Variants in CDK19 observed in about 807,000 individuals in gnomAD.
CDK19 encodes the protein cyclin dependent kinase 19.
Under a neutral mutation model 68.3 loss-of-function variants are expected in CDK19, and 20 were observed. The ratio of observed to expected loss-of-function variants is 0.29; its 90% CI spans 0.21 to 0.43. The LOEUF is 0.43. Among genes scored for constraint, CDK19 ranks in the 20% least tolerant of loss-of-function variants. The pLI, the probability that CDK19 is intolerant of heterozygous loss-of-function variation, is 1.00. For synonymous variants in CDK19, 221 were observed against 222.8 expected, an observed-to-expected ratio of 0.99 and a Z score of 0.07; for missense variants, 339 against 623.5, an observed-to-expected ratio of 0.54 and a Z score of 4.86.
intron 4 of CDK19, among the ~76,000 whole-genome samples, chr6:110,656,525 T>C (rs1039389388): frequency 7.9e-5 from 12 of 152,270 alleles, no homozygotes; most frequent in African/African-American, 2.9e-4. Context: ...TACAACTATA[T>C]GTAGGCTATC....
chr6:110,716,344 T>C, intron 2 of CDK19, among the ~76,000 whole-genome samples: 1 of 152,128 alleles, frequency 6.6e-6, no homozygotes, highest in East Asian at 1.9e-4. Flanking sequence ...AAACTCATAC[T>C]TTCTATTTAT....
intron 2 of CDK19, among the ~76,000 whole-genome samples, chr6:110,725,292 T>C (rs557555274): frequency 6.6e-6 from 1 of 152,036 alleles, no homozygotes; most frequent in African/African-American, 2.4e-5. Context: ...GTAATAGAAA[T>C]TAAACTAAAT....
chr6:110,793,402 A>G (rs191406170), intron 1 of CDK19, among the ~76,000 whole-genome samples: 1 of 152,350 alleles, frequency 6.6e-6, no homozygotes, highest in Admixed American at 6.5e-5. Flanking sequence ...CATCAGCATT[A>G]TAAGGCTTTG....
intron 2 of CDK19, among the ~76,000 whole-genome samples, chr6:110,734,520 G>GCTCGCTCGCTCTCTCTCTCTCTCTCT: frequency 1.2e-5 from 1 of 85,780 alleles, no homozygotes; most frequent in East Asian, 2.7e-4. Flanking sequence ...GGTGAGCACT[G>GCTCGCTCGCTCTCTCTCTCTCTCTCT]CTCTCTCTCT....
intron 1 of CDK19, among the ~76,000 whole-genome samples, chr6:110,804,788 T>C (rs1410301191): frequency 6.6e-6 from 1 of 150,936 alleles, no homozygotes; most frequent in Non-Finnish European, 1.5e-5. Flanking sequence ...ACCCCGTCGC[T>C]ACTAAAAATA....
At chr6:110,768,055 AAAAC>A (rs1205469039) in intron 1 of CDK19, among the ~76,000 whole-genome samples, 7 of 152,204 alleles carry the variant, frequency 4.6e-5, no homozygotes, top group Non-Finnish European at 1.0e-4. Flanking sequence ...AAAGAAAAAG[AAAAC>A]AAACAACTCA....
intron 1 of CDK19, among the ~76,000 whole-genome samples, chr6:110,778,662 G>A (rs1780587746): frequency 6.6e-6 from 1 of 152,142 alleles, no homozygotes; most frequent in Non-Finnish European, 1.5e-5. Context: ...TGGCTGCCTA[G>A]CATACACCCA....
rs752609339 is a variant in CDK19, at chr6:110,759,926, C to T, written c.129-13725G>A. Among the ~76,000 whole-genome samples, 36 of 152,178 alleles carry T rather than the reference C, an allele frequency of 2.4e-4. 1 individual carries two copies. Among genetic ancestry groups the T allele is most frequent in the Admixed American group, 3.9e-4 (6 of 15,276 alleles). On this transcript the variant is annotated intron_variant, in intron 1 of 12. Transcript: ENST00000368911. Reference sequence around the variant, plus strand: ...AGCTACTGCCAAAGCAGAATAAATACCAATAATAATGAGCCAATCAACTGG... The same window carrying T: ...AGCTACTGCCAAAGCAGAATAAATATCAATAATAATGAGCCAATCAACTGG...
chr6:110,736,883 T>C (rs1777289600), intron 2 of CDK19, among the ~76,000 whole-genome samples: 1 of 152,200 alleles, frequency 6.6e-6, no homozygotes, highest in South Asian at 2.1e-4. Context: ...GCTTCAATAT[T>C]ATTCAAGAGA....
intron 1 of CDK19, among the ~76,000 whole-genome samples, chr6:110,799,999 G>A (rs574710262): frequency 4.6e-5 from 7 of 152,202 alleles, no homozygotes; most frequent in African/African-American, 7.2e-5. Context: ...CCTTCTCCAC[G>A]AGTCTCAACA....
At chr6:110,627,183 C>T (rs746455749) in intron 6 of CDK19, 38 bp from the exon 7 acceptor site, 1 of 1,515,484 alleles carries the variant, frequency 6.6e-7, no homozygotes, top group African/African-American at 1.4e-5. Context: ...TATATATTTC[C>T]TTGGTTATAA....
At chr6:110,812,024 C>A (rs1783139432) in intron 1 of CDK19, among the ~76,000 whole-genome samples, 1 of 151,702 alleles carries the variant, frequency 6.6e-6, no homozygotes, top group South Asian at 2.1e-4. Flanking sequence ...ACAGCAAGAC[C>A]CGGTCTCTAC....
chr6:110,616,951 C>T (rs913505091), intron 12 of CDK19, among the ~76,000 whole-genome samples: 1 of 152,014 alleles, frequency 6.6e-6, no homozygotes, highest in Admixed American at 6.5e-5. Flanking sequence ...CTTTTCAAAG[C>T]GCTAATTGTA....
At chr6:110,793,449 C>T (rs955078902) in intron 1 of CDK19, among the ~76,000 whole-genome samples, 1 of 152,148 alleles carries the variant, frequency 6.6e-6, no homozygotes. Flanking sequence ...AGTCTTTATA[C>T]TTACATGGAC....
chr6:110,625,217 C>G (rs12173633), intron 8 of CDK19, among the ~76,000 whole-genome samples: 18 of 152,276 alleles, frequency 1.2e-4, no homozygotes, highest in African/African-American at 4.3e-4. Flanking sequence ...AGTTCTCACC[C>G]CTGATTCTGA....
At chr6:110,800,569 A>C (rs1042637939) in intron 1 of CDK19, among the ~76,000 whole-genome samples, 4 of 152,200 alleles carry the variant, frequency 2.6e-5, no homozygotes, top group African/African-American at 4.8e-5. Context: ...AATACAAACC[A>C]AATCCAGCAG....
intron 4 of CDK19, chr6:110,643,253 G>C: frequency 3.4e-6 from 4 of 1,184,292 alleles, no homozygotes; most frequent in Non-Finnish European, 4.5e-6. Flanking sequence ...TATTTCCATA[G>C]TGGATTAAAA....
chr6:110,663,937 A>ATTCAGAAT (rs2114384197), intron 4 of CDK19, among the ~76,000 whole-genome samples: 1 of 152,308 alleles, frequency 6.6e-6, no homozygotes, highest in African/African-American at 2.4e-5. Flanking sequence ...TAAGAACCAT[A>ATTCAGAAT]TTCAGAATGC....
intron 2 of CDK19, among the ~76,000 whole-genome samples, chr6:110,729,905 C>T (rs1776622414): frequency 6.6e-6 from 1 of 152,036 alleles, no homozygotes; most frequent in Admixed American, 6.6e-5. Context: ...ATACTGTACC[C>T]AATTCAGTTT....
Sources: gnomAD v4.1 joint callset for allele counts (sites outside exome capture counted in the v4.1 genomes callset) on GRCh38, gnomAD v4.1.1 for gene constraint, MANE v1.5 for transcripts, NCBI Gene and HGNC (gene_info 2026-07-23, HGNC 2026-07-21) for gene names.